The following KIAA1549 variants were observed in gnomAD, a reference collection of about 807,000 sequenced individuals.
The protein encoded by KIAA1549 is KIAA1549, also known as UPF0606 protein KIAA1549.
A neutral mutation model predicts 156.4 loss-of-function variants in KIAA1549; 70 were observed. The ratio of observed to expected loss-of-function variants is 0.45; its 90% CI spans 0.37 to 0.55. KIAA1549 has a LOEUF of 0.55. Among genes scored for constraint, KIAA1549 ranks in the 20% least tolerant of loss-of-function variants. The pLI is 0.00. For synonymous variants in KIAA1549, 1,103 were observed against 1,066.4 expected (o/e 1.03, Z -0.67); for missense variants, 2,428 against 2,540.9 (o/e 0.96, Z 0.96).
At chr7:138,890,419 T>C (rs531989363) in intron 10 of KIAA1549, among the ~76,000 whole-genome samples, 2 of 152,382 alleles carry the variant, frequency 1.3e-5, no homozygotes, top group East Asian at 1.9e-4. Context: ...ACCTGATTGA[T>C]GTCATTTGTG....
chr7:138,845,360 G>A (rs993891219), intron 17 of KIAA1549, among the ~76,000 whole-genome samples: 2 of 152,114 alleles, frequency 1.3e-5, no homozygotes, highest in African/African-American at 4.8e-5. Flanking sequence ...AGAAAATCTG[G>A]CTTCAGAGAA....
intron 1 of KIAA1549, among the ~76,000 whole-genome samples, chr7:138,923,579 A>C (rs1253122388): frequency 6.6e-6 from 1 of 151,904 alleles, no homozygotes; most frequent in East Asian, 1.9e-4. Flanking sequence ...CAGCCTGGGC[A>C]ACAGAGCGAG....
At chr7:138,975,830 A>G (rs554408516) in intron 1 of KIAA1549, among the ~76,000 whole-genome samples, 1 of 152,338 alleles carries the variant, frequency 6.6e-6, no homozygotes, top group African/African-American at 2.4e-5. Flanking sequence ...AGCTGCCTCT[A>G]TCATTCAGGG....
intron 2 of KIAA1549, among the ~76,000 whole-genome samples, chr7:138,916,499 C>A (rs1295341779): frequency 6.6e-6 from 1 of 152,224 alleles, no homozygotes; most frequent in Admixed American, 6.5e-5. Flanking sequence ...GCATTTACAT[C>A]TGAACAACAG....
intron 12 of KIAA1549, chr7:138,876,423 T>C (rs188091184): frequency 1.3e-5 from 2 of 152,344 alleles, no homozygotes; most frequent in African/African-American, 4.8e-5. Context: ...TCATCTTCTT[T>C]GTTGCCTTTC....
chr7:138,872,249 A>G (rs1313027722), intron 12 of KIAA1549, among the ~76,000 whole-genome samples: 2 of 152,070 alleles, frequency 1.3e-5, no homozygotes, highest in African/African-American at 4.8e-5. Flanking sequence ...GCCCGGCGCT[A>G]GTTCCTACTT....
intron 4 of KIAA1549, among the ~76,000 whole-genome samples, chr7:138,909,474 T>C (rs1309911338): frequency 6.6e-6 from 1 of 152,226 alleles, no homozygotes; most frequent in Non-Finnish European, 1.5e-5. Flanking sequence ...ATACCTGGCA[T>C]TGCTTGAAAA....
intron 10 of KIAA1549, among the ~76,000 whole-genome samples, chr7:138,887,825 G>A (rs1233886809): frequency 6.6e-6 from 1 of 152,210 alleles, no homozygotes; most frequent in East Asian, 1.9e-4. Flanking sequence ...TCCACGTTGG[G>A]AAACTGTGAA....
At chr7:138,894,222 G>A (rs1027819484) in intron 10 of KIAA1549, 120 bp downstream of exon 10, 5 of 988,402 alleles carry the variant, frequency 5.1e-6, no homozygotes, top group Non-Finnish European at 6.1e-6. Context: ...ATTAAAGCCA[G>A]AAGATTTCCA....
intron 1 of KIAA1549, among the ~76,000 whole-genome samples, chr7:138,971,022 G>A (rs945044269): frequency 6.6e-6 from 1 of 152,166 alleles, no homozygotes; most frequent in Non-Finnish European, 1.5e-5. Flanking sequence ...GAAACCACTA[G>A]GAGTGAGGAG....
intron 18 of KIAA1549, 60 bp downstream of exon 18, chr7:138,844,255 TAA>T: frequency 3.1e-6 from 5 of 1,593,882 alleles, no homozygotes; most frequent in Non-Finnish European, 3.4e-6. Context: ...ACACCTAAAA[TAA>T]AGTTTCTTTC....
intron 9 of KIAA1549, among the ~76,000 whole-genome samples, chr7:138,895,225 A>G (rs1811651426): frequency 6.6e-6 from 1 of 152,246 alleles, no homozygotes; most frequent in South Asian, 2.1e-4. Flanking sequence ...TTCATATTGC[A>G]CTAGTGCCAA....
intron 1 of KIAA1549, among the ~76,000 whole-genome samples, chr7:138,944,164 A>C (rs1813276492): frequency 6.6e-6 from 1 of 151,832 alleles, no homozygotes; most frequent in Non-Finnish European, 1.5e-5. Context: ...TGTACAATGG[A>C]TCTCTTGAAC....
chr7:138,895,313 T>C (rs1255635058), intron 9 of KIAA1549, among the ~76,000 whole-genome samples: 2 of 151,960 alleles, frequency 1.3e-5, no homozygotes, highest in African/African-American at 4.8e-5. Flanking sequence ...CAATGAAAAA[T>C]GACAAAGAGA....
chr7:138,915,834 CCTGTCATGT>C (rs1285565626), intron 2 of KIAA1549, among the ~76,000 whole-genome samples: 4 of 152,210 alleles, frequency 2.6e-5, no homozygotes, highest in Non-Finnish European at 5.9e-5. Flanking sequence ...ACCACATACA[CCTGTCATGT>C]CTCATGAGGA....
At chr7:138,976,864 G>A (rs1814395310) in intron 1 of KIAA1549, among the ~76,000 whole-genome samples, 1 of 152,236 alleles carries the variant, frequency 6.6e-6, no homozygotes, top group Non-Finnish European at 1.5e-5. Context: ...CCACCAAAGA[G>A]TCTAATTTAG....
intron 1 of KIAA1549, among the ~76,000 whole-genome samples, chr7:138,960,167 G>A (rs1049056849): frequency 3.3e-5 from 5 of 152,078 alleles, no homozygotes; most frequent in African/African-American, 1.2e-4. Context: ...TGGGCATGGT[G>A]GCTTACACCT....
chr7:138,844,597 C>G (rs918305294), intron 17 of KIAA1549, 123 bp from the exon 18 acceptor site: 20 of 896,542 alleles, frequency 2.2e-5, no homozygotes, highest in Admixed American at 1.1e-4. Flanking sequence ...GCCATCTCCT[C>G]TCCTGGAAGG....
At chr7:138,954,157 T>C (rs563997016) in intron 1 of KIAA1549, among the ~76,000 whole-genome samples, 1 of 152,330 alleles carries the variant, frequency 6.6e-6, no homozygotes, top group African/African-American at 2.4e-5. Context: ...TATACGATGG[T>C]AGACAGAAAT....
Sources: gnomAD v4.1 joint callset for allele counts (sites outside exome capture counted in the v4.1 genomes callset) on GRCh38, gnomAD v4.1.1 for gene constraint, MANE v1.5 for transcripts, NCBI Gene and HGNC (gene_info 2026-07-23, HGNC 2026-07-21) for gene names.